The following SLC7A5 variants were observed in gnomAD, a reference collection of about 807,000 sequenced individuals.
SLC7A5 encodes the protein large neutral amino acids transporter small subunit 1.
In SLC7A5, 23 loss-of-function variants were observed where a neutral mutation model predicts 50.2. The observed-to-expected ratio is 0.46, with a 90% CI of 0.33 to 0.65. SLC7A5 has a LOEUF of 0.65. Ranked by LOEUF, SLC7A5 falls within the 30% of genes least tolerant of loss-of-function variation. The pLI is 0.02. For missense variants in SLC7A5, 578 were observed against 684.4 expected (o/e 0.84, Z 1.73); for synonymous variants, 393 against 330.6 (o/e 1.19, Z -2.05).
At chr16:87,847,708 C>T (rs986172318) in intron 2 of SLC7A5, among the ~76,000 whole-genome samples, 6 of 152,204 alleles carry the variant, frequency 3.9e-5, no homozygotes, top group Admixed American at 1.3e-4. Flanking sequence ...CTGCACACTG[C>T]ACCCAGGGTC....
chr16:87,853,305 A>C lies in SLC7A5; in HGVS notation c.539-1456T>G, dbSNP rs951066670. 6.6e-6 allele frequency among the ~76,000 whole-genome samples: 1 copy of C among 152,246 alleles called. No homozygotes were observed. Among genetic ancestry groups the C allele is most frequent in the Non-Finnish European group, 1.5e-5 (1 of 68,044 alleles). ...GTGCGGGACGGGCTGCCGCCTGCCT[A>C]TCTCTCAGAAATTAACCACCCCGCT... is the stretch of plus-strand genomic sequence containing the variant. On this transcript the variant is annotated intron_variant, in intron 1 of 9. Transcript: ENST00000261622. This position sits in a 1 kb window ranked among gnomAD's most constrained non-coding sequence, Gnocchi z 4.4.
At chr16:87,835,484 A>T (rs34475048) in intron 8 of SLC7A5, among the ~76,000 whole-genome samples, 15,005 of 152,110 alleles carry the variant, frequency 0.099, 920 homozygotes, top group South Asian at 0.25. Context: ...TGTATTTTAA[A>T]GCCCCTGTTT....
intron 2 of SLC7A5, among the ~76,000 whole-genome samples, chr16:87,845,846 T>G (rs1463122583): frequency 6.6e-6 from 1 of 152,104 alleles, no homozygotes; most frequent in Non-Finnish European, 1.5e-5. Context: ...CCTCTGTCCA[T>G]GCGTCTGACG....
In SLC7A5 at chr16:87,862,981, C is replaced by T. The variant is rs1282931634; in HGVS notation, c.538+5904G>A. ...CCTCAGCCACCCGCAGCCAGAGTCC[C>T]GCGAGACCGACGGACGGCCTGCCCC... On this transcript the variant is annotated intron_variant, in intron 1 of 9. Coordinates refer to ENST00000261622, the MANE Select transcript of SLC7A5 (RefSeq NM_003486.7). The surrounding 1 kb of genome is among the most constrained non-coding windows in gnomAD (Gnocchi z 5.3). 1.3e-5 allele frequency among the ~76,000 whole-genome samples: 2 copies of T among 152,214 alleles called. No individual in the cohort carries two copies. Among genetic ancestry groups the T allele is most frequent in the Non-Finnish European group, 2.9e-5 (2 of 68,036 alleles).
In SLC7A5 at chr16:87,852,606, C is replaced by T. The variant is rs1484434240; in HGVS notation, c.539-757G>A. The stretch of plus-strand genomic sequence containing the variant: ...GGTCTCCAGACACCAGCACGTCCTC[C>T]TGGGCCCTGTAAGGCACCCAGCTCT... On this transcript the variant is annotated intron_variant, in intron 1 of 9. Coordinates refer to ENST00000261622, the MANE Select transcript of SLC7A5 (RefSeq NM_003486.7). This position sits in a 1 kb window ranked among gnomAD's most constrained non-coding sequence, Gnocchi z 4.5. Among the ~76,000 whole-genome samples the T allele has an allele frequency of 6.6e-6, 1 of 150,418 alleles. No homozygotes were observed. Among genetic ancestry groups the T allele is most frequent in the Non-Finnish European group, 1.5e-5 (1 of 67,866 alleles).
At chr16:87,864,301 T>C (rs1336205357) in intron 1 of SLC7A5, among the ~76,000 whole-genome samples, 2 of 151,636 alleles carry the variant, frequency 1.3e-5, no homozygotes, top group Non-Finnish European at 2.9e-5. Flanking sequence ...TCAAAATAAA[T>C]AAATAAATAA....
rs771110632 is a variant in SLC7A5 at position 87,838,700 on chromosome 16, C to A, written c.1043+14G>T. 8 of 1,601,280 alleles carry A rather than the reference C, an allele frequency of 5.0e-6. No homozygotes were observed. The South Asian group carries it at 8.8e-5, about 18-fold the overall frequency. ...TGGGCCTCCCTCACCTGTGGTGGGT[C>A]GGGCTGTGCTCACCTGGAGGATGTG... On this transcript the variant is annotated intron_variant, in intron 6 of 9. Coordinates refer to ENST00000261622, the MANE Select transcript of SLC7A5 (RefSeq NM_003486.7).
rs887835617 is a variant in SLC7A5 at position 87,841,021 on chromosome 16, C to A, written c.770+29G>T. The A allele has an allele frequency of 1.3e-6, 2 of 1,510,726 alleles. No individual in the cohort carries two copies. The highest frequency in any genetic ancestry group is 9.2e-7 in the Non-Finnish European group (1 of 1,086,622). The allele number at this position is 1,510,726 out of a possible 1,614,324, so 93.6% of individuals were successfully genotyped here. The stretch of plus-strand genomic sequence containing the variant: ...ACGTCAGGGACTGTATGTCCCCAGA[C>A]CAAGGGACCCAGACATTCCAGAACC... On this transcript the variant is annotated intron_variant, in intron 3 of 9. Transcript: ENST00000261622. The surrounding 1 kb of genome is among the most constrained non-coding windows in gnomAD (Gnocchi z 4.8).
At chr16:87,850,385 C>A (rs1438203050) in intron 2 of SLC7A5, among the ~76,000 whole-genome samples, 5 of 152,186 alleles carry the variant, frequency 3.3e-5, no homozygotes, top group Admixed American at 6.5e-5. Flanking sequence ...GACCTTCCTG[C>A]CTCTAGGAGC....
In SLC7A5 at chr16:87,837,860, C is replaced by A; in HGVS notation, c.1125G>T (p.Pro375=). ...GCAGGCTTACCGTGAACACGAGGGA[C>A]GGCACGGGGGTGAGGAGCTGTGGGT... is the stretch of plus-strand genomic sequence containing the variant. ...MIHPQLLTPV[P]SLVFTCVMTL... The change falls in exon 7 of 10, where the codon CCG becomes CCT. Residue 375 remains proline, a synonymous_variant. Transcript: ENST00000261622. The A allele has an allele frequency of 1.9e-6, 3 of 1,605,990 alleles. No homozygotes were observed. The highest frequency in any genetic ancestry group is 4.5e-5 in the East Asian group (2 of 44,610).
At chr16:87,858,802 A>G (rs2055352549) in intron 1 of SLC7A5, among the ~76,000 whole-genome samples, 1 of 152,198 alleles carries the variant, frequency 6.6e-6, no homozygotes, top group Non-Finnish European at 1.5e-5. Flanking sequence ...GAACTCGTTG[A>G]ACAGACTCTG....
At position 87,851,863 on chromosome 16, in the gene SLC7A5, G is replaced by A. The variant is rs757503167; in HGVS notation, c.539-14C>T. On this transcript the variant is annotated splice_polypyrimidine_tract_variant and intron_variant, in intron 1 of 9. Transcript: ENST00000261622. ...CCGTGAGCAGCACTGTGGAGACAGA[G>A]GGCAGCGGTGAGTTCCACGGGCAGA... The A allele has an allele frequency of 6.2e-7, 1 of 1,612,658 alleles. No individual in the cohort carries two copies. Among genetic ancestry groups the A allele is most frequent in the Non-Finnish European group, 8.5e-7 (1 of 1,179,936 alleles).
intron 9 of SLC7A5, among the ~76,000 whole-genome samples, 158 bp downstream of exon 9, chr16:87,834,256 T>C (rs1271948012): frequency 6.6e-6 from 1 of 152,184 alleles, no homozygotes; most frequent in East Asian, 1.9e-4. Flanking sequence ...CCCTGAACCA[T>C]GTGGGCTGCG....
chr16:87,835,589 T>C (rs911572107), intron 8 of SLC7A5, among the ~76,000 whole-genome samples: 10 of 152,188 alleles, frequency 6.6e-5, no homozygotes, highest in African/African-American at 1.9e-4. Context: ...TTCTCCTGCC[T>C]CCACCTCCCG....
intron 1 of SLC7A5, among the ~76,000 whole-genome samples, chr16:87,858,655 C>A (rs528887490): frequency 6.6e-6 from 1 of 152,296 alleles, no homozygotes; most frequent in South Asian, 2.1e-4. Context: ...TCTCCTAAAT[C>A]TCACCCTCGT....
At chr16:87,848,100 G>A (rs1189077650) in intron 2 of SLC7A5, among the ~76,000 whole-genome samples, 2 of 150,786 alleles carry the variant, frequency 1.3e-5, no homozygotes, top group East Asian at 1.9e-4. Context: ...GGCAGGCTGC[G>A]GCTTTCTTTC....
At chr16:87,836,680 G>T in intron 7 of SLC7A5, 33 bp from the exon 8 acceptor site, 2 of 1,607,934 alleles carry the variant, frequency 1.2e-6, no homozygotes, top group East Asian at 2.2e-5. Flanking sequence ...TGAGCCCTGG[G>T]GCCCACGAGC....
In SLC7A5 at chr16:87,836,524, T is replaced by C. The variant is rs1369668155; in HGVS notation, c.1264A>G (p.Lys422Glu). ...IIGMIWLRHR[K>E]PELERPIKVN... ...TTGATGGGCCGCTCAAGCTCAGGCT[T>C]TCTGTGGCGCAGCCAGATCATGCCG... The change falls in exon 8 of 10, where the codon AAG becomes GAG. Residue 422 changes from lysine (K) to glutamate (E), a missense_variant. By Grantham distance (56) the Lys-to-Glu change is moderately conservative. Transcript: ENST00000261622. 4 of 1,612,634 alleles carry C rather than the reference T, an allele frequency of 2.5e-6. No homozygotes were observed. Among genetic ancestry groups the C allele is most frequent in the Non-Finnish European group, 3.4e-6 (4 of 1,179,982 alleles).
chr16:87,836,951 A>G (rs890704723), intron 7 of SLC7A5: 13 of 450,774 alleles, frequency 2.9e-5, no homozygotes, highest in Non-Finnish European at 4.6e-5. Flanking sequence ...AACACAGTGT[A>G]CATACACAGC....
Sources: allele counts gnomAD v4.1 joint callset (sites outside exome capture counted in the v4.1 genomes callset), GRCh38; gene constraint gnomAD v4.1.1; non-coding constraint Gnocchi (gnomAD v3.1); transcripts MANE v1.5; gene names NCBI Gene and HGNC (gene_info 2026-07-23, HGNC 2026-07-21).